CYFIP2: variants seen among roughly 807,000 people sequenced by gnomAD.
The protein encoded by CYFIP2 is cytoplasmic FMR1 interacting protein 2, also known as cytoplasmic FMR1-interacting protein 2.
A neutral mutation model predicts 158.7 loss-of-function variants in CYFIP2; 29 were observed. The observed-to-expected ratio is 0.18, with a 90% CI of 0.14 to 0.25. CYFIP2 has a LOEUF of 0.25. CYFIP2 is among the 10% of genes least tolerant of loss of function. The pLI is 1.00. For missense variants in CYFIP2, 852 were observed against 1,639.5 expected, an observed-to-expected ratio of 0.52 and a Z score of 8.29; for synonymous variants, 585 against 617.6, an observed-to-expected ratio of 0.95 and a Z score of 0.78.
At chr5:157,342,910 C>T in intron 23 of CYFIP2, 1 of 1,614,144 alleles carries the variant, frequency 6.2e-7, no homozygotes. Context: ...CACCCCCCCT[C>T]TGTAAGGCAC....
intron 23 of CYFIP2, among the ~76,000 whole-genome samples, chr5:157,347,900 G>A (rs1442085769): frequency 5.3e-5 from 8 of 152,348 alleles, no homozygotes; most frequent in South Asian, 2.1e-4. Flanking sequence ...ACTCGGAGGC[G>A]GAGGCCAGGG....
chr5:157,319,618 A>T, intron 13 of CYFIP2, 144 bp from the exon 14 acceptor site: 1 of 903,642 alleles, frequency 1.1e-6, no homozygotes, highest in Non-Finnish European at 1.6e-6. Flanking sequence ...TCTCTTACCT[A>T]GCCATGCGCT....
chr5:157,392,604 AGTG>A (rs373709538), intron 30 of CYFIP2, among the ~76,000 whole-genome samples: 649 of 152,238 alleles, frequency 4.3e-3, no homozygotes, highest in Non-Finnish European at 6.4e-3. Flanking sequence ...CCAGTGCCAC[AGTG>A]TTGTTGATTA....
intron 3 of CYFIP2, 100 bp from the exon 4 acceptor site, chr5:157,294,683 G>A: frequency 1.2e-6 from 1 of 849,338 alleles, no homozygotes; most frequent in South Asian, 1.7e-5. Flanking sequence ...CCATGCTGTG[G>A]GTCCATGGAC....
rs558719550 is a variant in CYFIP2, at chr5:157,292,477, C to T, written c.208-2306C>T. Among the ~76,000 whole-genome samples the T allele has an allele frequency of 9.2e-5, 14 of 152,192 alleles. 1 individual carries two copies. The highest frequency in any genetic ancestry group is 1.9e-4 in the Non-Finnish European group (13 of 68,036). On this transcript the variant is annotated intron_variant, in intron 3 of 30. Transcript: ENST00000620254. ...CAGGTGATCCACCTGCCTCGGCCTC[C>T]CAAAGTGCTGGGATTACAGACGTGA...
At chr5:157,387,206 A>G (rs1415100451) in intron 28 of CYFIP2, among the ~76,000 whole-genome samples, 1 of 152,234 alleles carries the variant, frequency 6.6e-6, no homozygotes, top group East Asian at 1.9e-4. Context: ...TCTCTGGGTA[A>G]TGAGGTTTAT....
chr5:157,324,117 T>C (rs1347167960), intron 16 of CYFIP2, 43 bp downstream of exon 16: 3 of 1,566,362 alleles, frequency 1.9e-6, no homozygotes, highest in Middle Eastern at 2.3e-4. Flanking sequence ...GAGGAGGGGA[T>C]GAGGGCTCTC....
intron 12 of CYFIP2, among the ~76,000 whole-genome samples, 182 bp from the exon 13 acceptor site, chr5:157,314,787 A>G (rs573554987): frequency 1.9e-4 from 29 of 152,260 alleles, no homozygotes; most frequent in African/African-American, 6.5e-4. Context: ...ATCATATGAT[A>G]TGTGGTCTTT....
intron 26 of CYFIP2, among the ~76,000 whole-genome samples, chr5:157,368,265 ATATT>A (rs746426386): frequency 3.9e-5 from 6 of 152,224 alleles, no homozygotes; most frequent in East Asian, 1.9e-4. Context: ...ATTGCACTAA[ATATT>A]TATTACTTTT....
intron 30 of CYFIP2, among the ~76,000 whole-genome samples, chr5:157,391,883 T>G (rs1363888242): frequency 1.3e-5 from 2 of 152,196 alleles, no homozygotes; most frequent in East Asian, 3.8e-4. Flanking sequence ...CAATTTTACA[T>G]TCCCACCAGC....
chr5:157,364,274 C>CTG (rs1764159234), intron 26 of CYFIP2: 1 of 151,186 alleles, frequency 6.6e-6, no homozygotes, highest in Admixed American at 6.6e-5. Flanking sequence ...TCATGAGGAA[C>CTG]TGTGACTCAG....
At chr5:157,282,738 GT>G (rs1450221334) in intron 1 of CYFIP2, among the ~76,000 whole-genome samples, 2 of 152,222 alleles carry the variant, frequency 1.3e-5, no homozygotes, top group Non-Finnish European at 2.9e-5. Context: ...GGTAGATCCT[GT>G]TTCTCCATAG....
At chr5:157,338,428 G>T (rs1352856731) in intron 21 of CYFIP2, among the ~76,000 whole-genome samples, 2 of 152,256 alleles carry the variant, frequency 1.3e-5, no homozygotes, top group African/African-American at 2.4e-5. Flanking sequence ...GCATATAGTG[G>T]TTAAGAATGT....
chr5:157,277,897 A>G (rs1756691105), intron 1 of CYFIP2, among the ~76,000 whole-genome samples: 4 of 152,348 alleles, frequency 2.6e-5, no homozygotes, highest in African/African-American at 7.2e-5. Flanking sequence ...TATATGGTAT[A>G]TAGCCTATTG....
intron 3 of CYFIP2, among the ~76,000 whole-genome samples, chr5:157,294,179 C>A (rs1393460271): frequency 2.6e-5 from 4 of 152,128 alleles, no homozygotes; most frequent in Non-Finnish European, 1.5e-5. Flanking sequence ...AACCTTGTGG[C>A]CTTTCATTAG....
intron 22 of CYFIP2, among the ~76,000 whole-genome samples, chr5:157,340,601 T>C (rs1281425464): frequency 6.6e-6 from 1 of 152,262 alleles, no homozygotes; most frequent in Non-Finnish European, 1.5e-5. Context: ...AACTCGATCA[T>C]GCTCATTTGT....
At chr5:157,275,120 A>C (rs1327915169) in intron 1 of CYFIP2, among the ~76,000 whole-genome samples, 1 of 152,186 alleles carries the variant, frequency 6.6e-6, no homozygotes, top group East Asian at 1.9e-4. Flanking sequence ...ATGATTTGCA[A>C]ATATTTTCTT....
intron 8 of CYFIP2, among the ~76,000 whole-genome samples, chr5:157,305,423 A>G (rs1442543311): frequency 6.6e-6 from 1 of 152,254 alleles, no homozygotes; most frequent in Non-Finnish European, 1.5e-5. Context: ...CAGAATTGTC[A>G]TATGTATTGT....
rs371962620 is a variant in CYFIP2 at position 157,389,171 on chromosome 5, G to A, written c.3208-18G>A. On this transcript the variant is annotated intron_variant, in intron 28 of 30. Transcript: ENST00000620254. ...TCTAAGATGTGGATAGAAGGTGTAT[G>A]TGCCCTTCTGTTTCCAGCAAATCGC... is the stretch of plus-strand genomic sequence containing the variant. The A allele has an allele frequency of 4.4e-4, 703 of 1,588,856 alleles. 2 individuals are homozygous for A. The highest frequency in any genetic ancestry group is 5.7e-4 in the Non-Finnish European group (668 of 1,163,408).
Sources: gnomAD v4.1 joint callset for allele counts (sites outside exome capture counted in the v4.1 genomes callset) on GRCh38, gnomAD v4.1.1 for gene constraint, MANE v1.5 for transcripts, NCBI Gene and HGNC (gene_info 2026-07-23, HGNC 2026-07-21) for gene names.